The following NMNAT2 variants were observed in gnomAD, a reference collection of about 807,000 sequenced individuals.
NMNAT2 encodes nicotinamide/nicotinic acid mononucleotide adenylyltransferase 2.
NMNAT2 carries 11 observed loss-of-function variants against 41.6 expected under a neutral mutation model. The ratio of observed to expected loss-of-function variants is 0.26; its 90% CI spans 0.17 to 0.44. NMNAT2 has a LOEUF of 0.44. NMNAT2 is among the 20% of genes least tolerant of loss of function. The pLI is 1.00. For missense variants in NMNAT2, 288 were observed against 407.7 expected, an observed-to-expected ratio of 0.71 and a Z score of 2.53; for synonymous variants, 148 against 151.2, an observed-to-expected ratio of 0.98 and a Z score of 0.16.
Position 183,315,208 on chromosome 1 carries a change from G to A in NMNAT2, c.86-21415C>T, listed in dbSNP as rs542054656. On this transcript the variant is annotated intron_variant, in intron 1 of 10. Coordinates refer to ENST00000287713, the MANE Select transcript of NMNAT2 (RefSeq NM_015039.4). Reference sequence around the variant, plus strand: ...CATCCGTCATGCTGTGATGGCTGTCGATAGCTGATTCTGAAATCACTCGGG... The same window carrying A: ...CATCCGTCATGCTGTGATGGCTGTCAATAGCTGATTCTGAAATCACTCGGG... Among the ~76,000 whole-genome samples, 4 of 152,260 alleles carry A rather than the reference G, an allele frequency of 2.6e-5. No individual in the cohort carries two copies. The East Asian group carries it at 5.8e-4, about 22-fold the overall frequency.
intron 1 of NMNAT2, among the ~76,000 whole-genome samples, chr1:183,315,506 T>A (rs1662227206): frequency 6.6e-6 from 1 of 151,988 alleles, no homozygotes; most frequent in Non-Finnish European, 1.5e-5. Flanking sequence ...ATTAAAGACA[T>A]CATATCCAAA....
rs143684757 is a variant in NMNAT2, at chr1:183,394,393, C to T, written c.85+23790G>A. Among the ~76,000 whole-genome samples, 321 of 152,256 alleles carry T rather than the reference C, an allele frequency of 2.1e-3. 2 individuals are homozygous for T. The highest frequency in any genetic ancestry group is 7.1e-3 in the African/African-American group (296 of 41,540). ...AAGAGCTTTCTAATAAATGAAGCTGCCCAACAGTGAAACAGTCTGGAAATG... is the reference window on the plus strand; with the variant it reads ...AAGAGCTTTCTAATAAATGAAGCTGTCCAACAGTGAAACAGTCTGGAAATG... On this transcript the variant is annotated intron_variant, in intron 1 of 10. Coordinates refer to ENST00000287713, the MANE Select transcript of NMNAT2 (RefSeq NM_015039.4).
chr1:183,260,327 A>G (rs1049703150), intron 10 of NMNAT2, among the ~76,000 whole-genome samples: 2 of 152,354 alleles, frequency 1.3e-5, no homozygotes, highest in African/African-American at 4.8e-5. Flanking sequence ...TCCATCTTTG[A>G]CTTCAGTAAG....
intron 1 of NMNAT2, among the ~76,000 whole-genome samples, chr1:183,399,889 A>T (rs1469564458): frequency 6.6e-6 from 1 of 152,182 alleles, no homozygotes. Flanking sequence ...CTCTCAATAA[A>T]CTAGGTATTG....
chr1:183,392,192 T>C (rs955673877), intron 1 of NMNAT2, among the ~76,000 whole-genome samples: 1 of 152,158 alleles, frequency 6.6e-6, no homozygotes, highest in Non-Finnish European at 1.5e-5. Context: ...TGACATTTCC[T>C]CCCAAACCTG....
chr1:183,324,831 C>G (rs1372046768), intron 1 of NMNAT2, among the ~76,000 whole-genome samples: 1 of 152,144 alleles, frequency 6.6e-6, no homozygotes, highest in Non-Finnish European at 1.5e-5. Context: ...TTCCATTAGA[C>G]TTAAACTCCC....
chr1:183,407,738 A>G (rs1333757016), intron 1 of NMNAT2, among the ~76,000 whole-genome samples: 1 of 152,234 alleles, frequency 6.6e-6, no homozygotes, highest in African/African-American at 2.4e-5. Context: ...GAGATGCTGC[A>G]GAAAAACTAG....
chr1:183,395,346 G>C (rs948523263), intron 1 of NMNAT2, among the ~76,000 whole-genome samples: 10 of 151,772 alleles, frequency 6.6e-5, no homozygotes, highest in African/African-American at 2.4e-4. Context: ...GATTTAGAGT[G>C]GTAGAAAATG....
intron 1 of NMNAT2, among the ~76,000 whole-genome samples, chr1:183,401,046 A>T (rs1648794436): frequency 2.6e-5 from 4 of 152,228 alleles, no homozygotes; most frequent in Non-Finnish European, 4.4e-5. Context: ...ATGGCAACAA[A>T]AGCCAAAATT....
chr1:183,368,802 A>C (rs1663468349), intron 1 of NMNAT2, among the ~76,000 whole-genome samples: 1 of 152,236 alleles, frequency 6.6e-6, no homozygotes, highest in Non-Finnish European at 1.5e-5. Context: ...CAGTAGATTC[A>C]TAGTTCTTTT....
chr1:183,338,743 G>C (rs1486436132), intron 1 of NMNAT2, among the ~76,000 whole-genome samples: 1 of 152,110 alleles, frequency 6.6e-6, no homozygotes, highest in Non-Finnish European at 1.5e-5. Context: ...TATTAAACCC[G>C]GGACATAGGA....
At chr1:183,302,217 C>T (rs147475685) in intron 1 of NMNAT2, among the ~76,000 whole-genome samples, 1 of 152,270 alleles carries the variant, frequency 6.6e-6, no homozygotes, top group East Asian at 1.9e-4. Flanking sequence ...CTATAAGGGA[C>T]ATAGAGAAGT....
chr1:183,329,806 T>TA (rs767168854), intron 1 of NMNAT2, among the ~76,000 whole-genome samples: 1 of 152,188 alleles, frequency 6.6e-6, no homozygotes, highest in African/African-American at 2.4e-5. Context: ...CATCCGGTGT[T>TA]AGAGAGGTAT....
At chr1:183,397,231 C>T (rs1648673867) in intron 1 of NMNAT2, among the ~76,000 whole-genome samples, 1 of 152,134 alleles carries the variant, frequency 6.6e-6, no homozygotes, top group South Asian at 2.1e-4. Context: ...GGACACCAGC[C>T]AGGGTCGAGG....
intron 1 of NMNAT2, among the ~76,000 whole-genome samples, chr1:183,354,409 CTTTTTTTTTTTT>C (rs67663742): frequency 2.0e-4 from 18 of 89,670 alleles, no homozygotes; most frequent in Middle Eastern, 6.0e-3. Context: ...TCTTTAATGT[CTTTTTTTTTTTT>C]TTTTTTTTTT....
intron 1 of NMNAT2, 115 bp downstream of exon 1, chr1:183,418,068 C>T: frequency 1.1e-6 from 1 of 950,448 alleles, no homozygotes. Flanking sequence ...CTGGATGAGC[C>T]GGCCCACCCC....
At chr1:183,395,228 G>C (rs1387721355) in intron 1 of NMNAT2, among the ~76,000 whole-genome samples, 1 of 152,050 alleles carries the variant, frequency 6.6e-6, no homozygotes, top group Non-Finnish European at 1.5e-5. Context: ...AACTACATCT[G>C]ACCAGAGTTT....
chr1:183,304,744 T>G (rs1441557368), intron 1 of NMNAT2: 1 of 1,613,994 alleles, frequency 6.2e-7, no homozygotes, highest in South Asian at 1.1e-5. Flanking sequence ...TTCCATCTAT[T>G]TGTCTGGTTT....
intron 1 of NMNAT2, among the ~76,000 whole-genome samples, chr1:183,406,565 T>C (rs74129792): frequency 0.017 from 2,529 of 152,312 alleles, 66 homozygotes; most frequent in African/African-American, 0.058. Context: ...CAGAAACTTG[T>C]AAAGATGTTT....
Sources: gnomAD v4.1 joint callset for allele counts (sites outside exome capture counted in the v4.1 genomes callset) on GRCh38, gnomAD v4.1.1 for gene constraint, MANE v1.5 for transcripts, NCBI Gene and HGNC (gene_info 2026-07-23, HGNC 2026-07-21) for gene names.